ASPHD1: variants seen among roughly 807,000 people sequenced by gnomAD.
The protein encoded by ASPHD1 is aspartate beta-hydroxylase domain containing 1, also known as aspartate beta-hydroxylase domain-containing protein 1.
In ASPHD1, 20 loss-of-function variants were observed where a neutral mutation model predicts 28.3. The observed-to-expected ratio is 0.71, with a 90% CI of 0.50 to 1.03. The LOEUF (loss-of-function observed/expected upper bound fraction) is 1.03. Ranked by LOEUF, ASPHD1 falls within the 50% of genes least tolerant of loss-of-function variation. ASPHD1 has a pLI of 0.00. For missense variants in ASPHD1, 479 were observed against 524.1 expected, an observed-to-expected ratio of 0.91 and a Z score of 0.84; for synonymous variants, 240 against 221.2, an observed-to-expected ratio of 1.08 and a Z score of -0.75.
Position 29,901,028 on chromosome 16 carries a change from G to A in ASPHD1, c.57G>A (p.Glu19=). 5.7e-6 allele frequency: 9 copies of A among 1,580,208 alleles called. No homozygotes were observed. Among genetic ancestry groups the A allele is most frequent in the Non-Finnish European group, 6.9e-6 (8 of 1,162,616 alleles). The change falls in exon 1 of 3, where the codon GAG becomes GAA. Residue 19 remains glutamate, a synonymous_variant. Coordinates refer to ENST00000308748, the MANE Select transcript of ASPHD1 (RefSeq NM_181718.4). The surrounding 1 kb of genome is among the most constrained non-coding windows in gnomAD (Gnocchi z 5.1). ...SVERGPRKER[E]TAQSGMWKGN... Reference sequence around the variant, plus strand: ...AGAGAGGACCGCGGAAGGAGAGAGAGACAGCCCAGAGTGGAATGTGGAAGG... The same window carrying A: ...AGAGAGGACCGCGGAAGGAGAGAGAAACAGCCCAGAGTGGAATGTGGAAGG...
At chr16:29,906,977 C>T (rs940323143), downstream of ASPHD1, 1 of 1,614,082 alleles carries the variant, frequency 6.2e-7, no homozygotes, top group Non-Finnish European at 8.5e-7. Context: ...CTTCATCCTC[C>T]CCGCGGCCAG....
At chr16:29,902,590 C>A (rs1022674553) in intron 1 of ASPHD1, among the ~76,000 whole-genome samples, 1 of 152,224 alleles carries the variant, frequency 6.6e-6, no homozygotes, top group East Asian at 1.9e-4. Context: ...TCACTGCAAG[C>A]TCCACCTCCC....
chr16:29,914,827 C>A (rs2068781463), intron 3 of ASPHD1: 1 of 152,140 alleles, frequency 6.6e-6, no homozygotes, highest in Non-Finnish European at 1.5e-5. Flanking sequence ...CACAGGATAA[C>A]CAGTAAGGAC....
intron 3 of ASPHD1, among the ~76,000 whole-genome samples, chr16:29,917,902 G>A (rs1032145770): frequency 1.3e-5 from 2 of 152,118 alleles, no homozygotes; most frequent in Non-Finnish European, 2.9e-5. Flanking sequence ...GAGCCGAGAT[G>A]ACACCATTGA....
intron 3 of ASPHD1, among the ~76,000 whole-genome samples, chr16:29,919,074 G>C (rs1359349246): frequency 6.6e-6 from 1 of 152,194 alleles, no homozygotes; most frequent in Admixed American, 6.5e-5. Flanking sequence ...GATTATAGGC[G>C]TGAGCCACCG....
Position 29,915,589 on chromosome 16 carries a change from T to C in ASPHD1, c.*63-3942T>C, listed in dbSNP as rs139983982. On this transcript the variant is annotated intron_variant and NMD_transcript_variant, in intron 3 of 3. Coordinates refer to the ASPHD1 transcript ENST00000414952. ...ATCACTTGAACCCAGGAGGAGGAGG[T>C]TGCAGTGAGCTATCTCAAAAAAAAA... is the stretch of plus-strand genomic sequence containing the variant. Among the ~76,000 whole-genome samples the C allele has an allele frequency of 8.9e-3, 1,341 of 150,092 alleles. 18 individuals are homozygous for C. Among genetic ancestry groups the C allele is most frequent in the African/African-American group, 0.029 (1,191 of 40,760 alleles).
At chr16:29,911,906 G>T in intron 3 of ASPHD1, 2 of 1,609,648 alleles carry the variant, frequency 1.2e-6, no homozygotes, top group Non-Finnish European at 8.5e-7. Flanking sequence ...GGGTGAGGCT[G>T]CAGGGAGAGG....
intron 3 of ASPHD1, among the ~76,000 whole-genome samples, chr16:29,916,037 A>G (rs1371483578): frequency 6.6e-6 from 1 of 152,056 alleles, no homozygotes; most frequent in African/African-American, 2.4e-5. Context: ...CACCTTCAAC[A>G]TTCTGTCTGG....
downstream of ASPHD1, chr16:29,910,850 A>AC: frequency 6.4e-6 from 5 of 777,272 alleles, no homozygotes; most frequent in Non-Finnish European, 1.0e-5. Context: ...ACTGTTGTGC[A>AC]CCCCAGACCC....
rs1249621311 is a variant in ASPHD1 at position 29,901,604 on chromosome 16, G to T, written c.633G>T (p.Glu211Asp). 10 of 1,555,112 alleles carry T rather than the reference G, an allele frequency of 6.4e-6. No individual in the cohort carries two copies. The highest frequency in any genetic ancestry group is 8.6e-6 in the Non-Finnish European group (10 of 1,159,672). The change falls in exon 1 of 3, where the codon GAG (glutamate) becomes GAT (aspartate). Residue 211 changes from glutamate to aspartate, a missense_variant. Glu to Asp is a conservative substitution (Grantham distance 45). Transcript: ENST00000308748. The surrounding 1 kb of genome is among the most constrained non-coding windows in gnomAD (Gnocchi z 5.1). ...VPRDAQRHDVELLESSFPAIL... is the reference protein window; with the variant it reads ...VPRDAQRHDVDLLESSFPAIL... Reference sequence around the variant, plus strand: ...GGGACGCCCAGCGGCACGACGTGGAGCTCCTGGAGAGCAGCTTCCCTGCCA... The same window carrying T: ...GGGACGCCCAGCGGCACGACGTGGATCTCCTGGAGAGCAGCTTCCCTGCCA...
chr16:29,914,778 G>A (rs944718012), intron 3 of ASPHD1: 11 of 152,224 alleles, frequency 7.2e-5, no homozygotes, highest in African/African-American at 2.2e-4. Flanking sequence ...AAAGAGACAG[G>A]TCATCTCCAC....
At chr16:29,908,619 C>T (rs1485401069), downstream of ASPHD1, among the ~76,000 whole-genome samples, 4 of 151,118 alleles carry the variant, frequency 2.6e-5, no homozygotes, top group East Asian at 1.9e-4. Flanking sequence ...CTCCTGACCT[C>T]GTGATCTGCC....
At chr16:29,913,591 C>G (rs1255777919) in intron 3 of ASPHD1, 1 of 152,184 alleles carries the variant, frequency 6.6e-6, no homozygotes, top group Non-Finnish European at 1.5e-5. Flanking sequence ...CACAGGGTCT[C>G]TTCTGAGGCT....
At chr16:29,905,607 A>G (rs2068598334) in intron 2 of ASPHD1, among the ~76,000 whole-genome samples, 181 bp from the exon 3 acceptor site, 1 of 147,930 alleles carries the variant, frequency 6.8e-6, no homozygotes, top group African/African-American at 2.5e-5. Context: ...CAGCCTGGTG[A>G]CAGAGCAAGA....
chr16:29,908,372 AATTTTTTATTTTT>A (rs777756573), downstream of ASPHD1, among the ~76,000 whole-genome samples: 6 of 151,826 alleles, frequency 4.0e-5, no homozygotes, highest in Non-Finnish European at 7.4e-5. Flanking sequence ...CTGTTTTTTT[AATTTTTTATTTTT>A]ATTTTTTATT....
Position 29,905,908 on chromosome 16 carries a change from TCCCTTCACACA to T in ASPHD1, c.*15_*25del. The T allele has an allele frequency of 6.4e-7, 1 of 1,569,862 alleles. No homozygotes were observed. Among genetic ancestry groups the T allele is most frequent in the Non-Finnish European group, 8.7e-7 (1 of 1,152,074 alleles). On this transcript the variant is annotated 3_prime_UTR_variant, in exon 3 of 3. Coordinates refer to ENST00000308748, the MANE Select transcript of ASPHD1 (RefSeq NM_181718.4). ...GCCCCAGACCCTTGAAGGAAGGTGCTCCCTTCACACACCCAGGCTGGAGAGACACTGCGCTC... is the reference window on the plus strand; with the variant it reads ...GCCCCAGACCCTTGAAGGAAGGTGCTCCCAGGCTGGAGAGACACTGCGCTC...
At chr16:29,900,384 C>T (rs984988713), upstream of ASPHD1, 2 of 149,436 alleles carry the variant, frequency 1.3e-5, no homozygotes, top group Non-Finnish European at 2.9e-5. Flanking sequence ...CATTGCGGGA[C>T]GGCTGGAGGC....
At chr16:29,916,309 G>T (rs1021693118) in intron 3 of ASPHD1, among the ~76,000 whole-genome samples, 1 of 151,924 alleles carries the variant, frequency 6.6e-6, no homozygotes, top group African/African-American at 2.4e-5. Context: ...GGCTGGTCTC[G>T]AACTCCTGAA....
At chr16:29,906,691 G>A, downstream of ASPHD1, 1 of 688,268 alleles carries the variant, frequency 1.5e-6, no homozygotes, top group Non-Finnish European at 2.6e-6. Context: ...AATGTACCAT[G>A]TTGTTAGCAA....
Sources: gnomAD v4.1 joint callset for allele counts (sites outside exome capture counted in the v4.1 genomes callset) on GRCh38, gnomAD v4.1.1 for gene constraint, Gnocchi (gnomAD v3.1) non-coding constraint, MANE v1.5 for transcripts, NCBI Gene and HGNC (gene_info 2026-07-23, HGNC 2026-07-21) for gene names.